JAKMIP1: variants seen among roughly 807,000 people sequenced by gnomAD.
JAKMIP1 encodes janus kinase and microtubule interacting protein 1.
JAKMIP1 carries 33 observed loss-of-function variants against 113.0 expected under a neutral mutation model. The observed-to-expected ratio is 0.29, with a 90% CI of 0.22 to 0.39. The LOEUF (loss-of-function observed/expected upper bound fraction) is 0.39, where lower values mean the gene tolerates loss of function less well. JAKMIP1 is among the 10% of genes least tolerant of loss of function. The pLI is 1.00. For missense variants in JAKMIP1, 813 were observed against 1,080.5 expected (o/e 0.75, Z 3.47); for synonymous variants, 480 against 459.9 (o/e 1.04, Z -0.56).
Position 6,081,325 on chromosome 4 carries a change from C to T in JAKMIP1, c.1101+284G>A, listed in dbSNP as rs1192416872. 6.6e-6 allele frequency among the ~76,000 whole-genome samples: 1 copy of T among 152,220 alleles called. No homozygotes were observed. Among genetic ancestry groups the T allele is most frequent in the Non-Finnish European group, 1.5e-5 (1 of 68,040 alleles). On this transcript the variant is annotated intron_variant, in intron 6 of 20. Transcript: ENST00000409021. The surrounding 1 kb of genome is among the most constrained non-coding windows in gnomAD (Gnocchi z 4.6). ...GATGATCCTCCAGTGTGGATATTTT[C>T]ATTCCCATTTTATGCATGAAGAAAC...
chr4:6,045,413 G>A (rs1714856376), intron 16 of JAKMIP1, among the ~76,000 whole-genome samples: 1 of 152,246 alleles, frequency 6.6e-6, no homozygotes. Context: ...CCAGAGTGGG[G>A]CTGATGGGTG....
At chr4:6,165,941 A>G (rs1231163738) in intron 1 of JAKMIP1, among the ~76,000 whole-genome samples, 1 of 151,438 alleles carries the variant, frequency 6.6e-6, no homozygotes, top group Non-Finnish European at 1.5e-5. Context: ...AGCAGAGTCC[A>G]CTCTCACCTC....
chr4:6,172,200 T>C (rs941051835), intron 1 of JAKMIP1, among the ~76,000 whole-genome samples: 1 of 152,222 alleles, frequency 6.6e-6, no homozygotes, highest in African/African-American at 2.4e-5. Context: ...GGAAAGCTGC[T>C]CAGGGCAAAG....
Position 6,178,174 on chromosome 4 carries a change from C to A in JAKMIP1, c.-148+22079G>T, listed in dbSNP as rs1351215480. 6.6e-6 allele frequency among the ~76,000 whole-genome samples: 1 copy of A among 152,172 alleles called. No individual in the cohort carries two copies. The highest frequency in any genetic ancestry group is 2.4e-5 in the African/African-American group (1 of 41,446). ...AAGGCTTTGATATATTTAGCTTTGT[C>A]CCCCATGGGTATAAAAAAATGACCC... On this transcript the variant is annotated intron_variant, in intron 1 of 20. Coordinates refer to ENST00000409021, the MANE Select transcript of JAKMIP1 (RefSeq NM_001099433.2). This position sits in a 1 kb window ranked among gnomAD's most constrained non-coding sequence, Gnocchi z 5.5.
chr4:6,085,178 G>A (rs893035704), intron 4 of JAKMIP1, among the ~76,000 whole-genome samples: 2 of 151,928 alleles, frequency 1.3e-5, no homozygotes, highest in Non-Finnish European at 2.9e-5. Context: ...AAACCCTTCC[G>A]TGGCTCCCTG....
At chr4:6,134,982 C>G (rs1279499025) in intron 1 of JAKMIP1, among the ~76,000 whole-genome samples, 10 of 152,222 alleles carry the variant, frequency 6.6e-5, no homozygotes, top group Non-Finnish European at 2.9e-5. Flanking sequence ...ACACACAAGA[C>G]AGCGTCTGGG....
rs1278096880 is a variant in JAKMIP1 at position 6,040,362 on chromosome 4, T to C, written c.2175+277A>G. Among the ~76,000 whole-genome samples, 5 of 152,194 alleles carry C rather than the reference T, an allele frequency of 3.3e-5. No homozygotes were observed. The highest frequency in any genetic ancestry group is 5.9e-5 in the Non-Finnish European group (4 of 68,044). On this transcript the variant is annotated intron_variant, in intron 18 of 20. Transcript: ENST00000409021. The surrounding 1 kb of genome is among the most constrained non-coding windows in gnomAD (Gnocchi z 5.8). ...TAAGTAAAATCAAACATAAAAGAAA[T>C]ATAGTTTCTTCTCATTCATCTCAAA... is the stretch of plus-strand genomic sequence containing the variant.
In JAKMIP1 at chr4:6,194,209, A is replaced by T. The variant is rs1193776524; in HGVS notation, c.-148+6044T>A. ...GGAGGGAGGAAAATGTTTTGCAGCT[A>T]GATTGAGGTGACAGTTGCACAACAT... On this transcript the variant is annotated intron_variant, in intron 1 of 20. Transcript: ENST00000409021. The surrounding 1 kb of genome is among the most constrained non-coding windows in gnomAD (Gnocchi z 7.4). Among the ~76,000 whole-genome samples the T allele has an allele frequency of 6.6e-6, 1 of 152,126 alleles. No homozygotes were observed. The highest frequency in any genetic ancestry group is 1.5e-5 in the Non-Finnish European group (1 of 68,032).
At position 6,051,223 on chromosome 4, in the gene JAKMIP1, CT is replaced by C. The variant is rs58425504; in HGVS notation, c.1807-545del. ...GGCTGACTTTCTTTCTTTTTCTTTCCTTTTTTTTTTTTTTTTGAGAGGGTGT... is the reference window on the plus strand; with the variant it reads ...GGCTGACTTTCTTTCTTTTTCTTTCCTTTTTTTTTTTTTTTGAGAGGGTGT... On this transcript the variant is annotated intron_variant, in intron 13 of 20. Coordinates refer to ENST00000409021, the MANE Select transcript of JAKMIP1 (RefSeq NM_001099433.2). The surrounding 1 kb of genome is among the most constrained non-coding windows in gnomAD (Gnocchi z 5.0). Among the ~76,000 whole-genome samples, 27,889 of 138,904 alleles carry C rather than the reference CT, an allele frequency of 0.2. 4,402 individuals carry two copies. Among genetic ancestry groups the C allele is most frequent in the African/African-American group, 0.46 (17,184 of 37,184 alleles). The allele number at this position is 138,904 out of a possible 152,430, so 91.1% of individuals were successfully genotyped here.
chr4:6,183,559 G>A lies in JAKMIP1; in HGVS notation c.-148+16694C>T, dbSNP rs1726305877. 6.6e-6 allele frequency among the ~76,000 whole-genome samples: 1 copy of A among 151,664 alleles called. No individual in the cohort carries two copies. The highest frequency in any genetic ancestry group is 1.5e-5 in the Non-Finnish European group (1 of 67,896). ...AGAAACTTCAGTACTCAGGGTGCTG[G>A]GACTTGGTTTTCAAACCACCTTCCA... On this transcript the variant is annotated intron_variant, in intron 1 of 20. Coordinates refer to ENST00000409021, the MANE Select transcript of JAKMIP1 (RefSeq NM_001099433.2). The surrounding 1 kb of genome is among the most constrained non-coding windows in gnomAD (Gnocchi z 5.3).
At chr4:6,144,635 C>T (rs977894119) in intron 1 of JAKMIP1, among the ~76,000 whole-genome samples, 16 of 152,182 alleles carry the variant, frequency 1.1e-4, no homozygotes, top group African/African-American at 3.6e-4. Context: ...AACCACATGA[C>T]CAGTAAATAG....
At chr4:6,125,866 G>A (rs138475766) in intron 1 of JAKMIP1, among the ~76,000 whole-genome samples, 20,435 of 23,062 alleles carry the variant, frequency 0.89, 9,546 homozygotes, top group East Asian at 0.95. Flanking sequence ...ACAGAAACTC[G>A]CGCCATACAC....
At chr4:6,170,370 TCAC>T (rs1157178308) in intron 1 of JAKMIP1, among the ~76,000 whole-genome samples, 2 of 5,176 alleles carry the variant, frequency 3.9e-4, no homozygotes, top group Admixed American at 2.2e-3. Context: ...ACCACCTCTA[TCAC>T]CACCATCACC....
At chr4:6,075,699 C>T (rs1011687024) in intron 8 of JAKMIP1, among the ~76,000 whole-genome samples, 2 of 152,212 alleles carry the variant, frequency 1.3e-5, no homozygotes, top group Non-Finnish European at 2.9e-5. Context: ...AGGCAATTCG[C>T]TTATTTAGCC....
chr4:6,056,192 G>C (rs1022712149), intron 12 of JAKMIP1, among the ~76,000 whole-genome samples: 3 of 145,520 alleles, frequency 2.1e-5, no homozygotes, highest in African/African-American at 7.8e-5. Flanking sequence ...GTTGGGACCT[G>C]TCCTCCCCAT....
chr4:6,128,423 A>C (rs1718045218), intron 1 of JAKMIP1, among the ~76,000 whole-genome samples: 1 of 152,144 alleles, frequency 6.6e-6, no homozygotes, highest in Non-Finnish European at 1.5e-5. Context: ...GGCTGCAAGC[A>C]GTGAATGAGC....
intron 1 of JAKMIP1, among the ~76,000 whole-genome samples, chr4:6,177,144 C>CG (rs1725434262): frequency 6.6e-6 from 1 of 152,140 alleles, no homozygotes; most frequent in African/African-American, 2.4e-5. Flanking sequence ...AAGGGAGCTT[C>CG]GGGTAGGAGG....
intron 9 of JAKMIP1, among the ~76,000 whole-genome samples, chr4:6,063,856 G>A (rs1717667312): frequency 1.3e-5 from 2 of 152,242 alleles, no homozygotes; most frequent in Admixed American, 6.5e-5. Context: ...GGGGCGCAAG[G>A]AGCTGCAGTG....
intron 8 of JAKMIP1, among the ~76,000 whole-genome samples, chr4:6,078,018 G>C (rs547594324): frequency 2.0e-5 from 3 of 152,152 alleles, no homozygotes; most frequent in Admixed American, 1.3e-4. Context: ...CATTTGCACA[G>C]CTGTTTCCCT....
Sources: allele counts gnomAD v4.1 joint callset (sites outside exome capture counted in the v4.1 genomes callset), GRCh38; gene constraint gnomAD v4.1.1; non-coding constraint Gnocchi (gnomAD v3.1); transcripts MANE v1.5; gene names NCBI Gene and HGNC (gene_info 2026-07-23, HGNC 2026-07-21).